CDIN1: variants seen among roughly 807,000 people sequenced by gnomAD.
The protein encoded by CDIN1 is CDAN1-interacting nuclease 1.
In CDIN1, 33 loss-of-function variants were observed where a neutral mutation model predicts 45.3. The ratio of observed to expected loss-of-function variants is 0.73; its 90% CI spans 0.55 to 0.97. The LOEUF is 0.97. Among genes scored for constraint, CDIN1 ranks in the 50% least tolerant of loss-of-function variants. The pLI is 0.00. For synonymous variants in CDIN1, 118 were observed against 124.4 expected (o/e 0.95, Z 0.34); for missense variants, 303 against 339.4 (o/e 0.89, Z 0.84).
At chr15:36,680,934 G>T (rs926898236) in intron 5 of CDIN1, among the ~76,000 whole-genome samples, 1 of 152,124 alleles carries the variant, frequency 6.6e-6, no homozygotes, top group Non-Finnish European at 1.5e-5. Context: ...CGTTGTCATG[G>T]TTAATTCTAC....
chr15:36,613,509 A>C lies in CDIN1; in HGVS notation c.102-30769A>C, dbSNP rs2038746256. The C allele has an allele frequency of 2.6e-6, 4 of 1,547,128 alleles. No homozygotes were observed. The East Asian group carries it at 9.0e-5, about 35-fold the overall frequency. On this transcript the variant is annotated intron_variant, in intron 1 of 10. Coordinates refer to ENST00000566621, the MANE Select transcript of CDIN1 (RefSeq NM_001321759.2). ...ACCACCATCAAGGCGGTGAAGCGCA[A>C]GATCCAGGTTGTGCAGCAGCAGGCA... is the stretch of plus-strand genomic sequence containing the variant.
chr15:36,613,483 C>A (rs2038744163), intron 1 of CDIN1: 3 of 1,550,374 alleles, frequency 1.9e-6, no homozygotes, highest in Non-Finnish European at 1.8e-6. Context: ...TGGCTGGGAT[C>A]ACCACCATCA....
chr15:36,617,219 A>C (rs558307319), intron 1 of CDIN1: 1 of 870,732 alleles, frequency 1.1e-6, no homozygotes, highest in South Asian at 1.3e-5. Context: ...AGCTCTTGGC[A>C]TGAAACAGCA....
At chr15:36,588,891 G>A (rs2037433731) in intron 1 of CDIN1, among the ~76,000 whole-genome samples, 1 of 152,244 alleles carries the variant, frequency 6.6e-6, no homozygotes, top group South Asian at 2.1e-4. Context: ...GAAAGCCTCA[G>A]ATAATGTTAT....
intron 10 of CDIN1, among the ~76,000 whole-genome samples, chr15:36,771,343 A>G (rs1289023068): frequency 2.0e-5 from 3 of 152,142 alleles, no homozygotes; most frequent in Non-Finnish European, 2.9e-5. Flanking sequence ...CCAGGACTTA[A>G]AGTATAATAA....
intron 10 of CDIN1, among the ~76,000 whole-genome samples, chr15:36,803,664 CA>C (rs1271828224): frequency 6.6e-6 from 1 of 152,184 alleles, no homozygotes; most frequent in Non-Finnish European, 1.5e-5. Flanking sequence ...TACTTTCAAG[CA>C]TTGTCCTAAG....
intron 1 of CDIN1, among the ~76,000 whole-genome samples, chr15:36,582,364 G>C (rs1183002689): frequency 1.3e-5 from 2 of 152,192 alleles, no homozygotes. Flanking sequence ...AATGTTAAAA[G>C]GTTGTGTATT....
chr15:36,596,811 A>C (rs750794248), intron 1 of CDIN1, among the ~76,000 whole-genome samples: 12 of 152,226 alleles, frequency 7.9e-5, no homozygotes, highest in Middle Eastern at 3.4e-3. Flanking sequence ...ACAACAACAA[A>C]AAAAACCCAG....
intron 1 of CDIN1, among the ~76,000 whole-genome samples, chr15:36,586,332 C>A (rs2037299834): frequency 1.3e-5 from 2 of 151,864 alleles, no homozygotes; most frequent in Admixed American, 6.6e-5. Flanking sequence ...ATTTTAGCAT[C>A]CATTGACTTT....
chr15:36,750,430 A>T (rs2053429422), intron 10 of CDIN1, among the ~76,000 whole-genome samples: 1 of 152,222 alleles, frequency 6.6e-6, no homozygotes, highest in African/African-American at 2.4e-5. Flanking sequence ...GCTCAGAAAG[A>T]TAAAGTGACT....
At chr15:36,768,398 A>G (rs2053981311) in intron 10 of CDIN1, among the ~76,000 whole-genome samples, 1 of 152,234 alleles carries the variant, frequency 6.6e-6, no homozygotes, top group Admixed American at 6.5e-5. Context: ...CTTGATGCAC[A>G]GACAGATCCT....
chr15:36,739,615 A>T (rs1225250838), intron 10 of CDIN1, among the ~76,000 whole-genome samples: 1 of 152,238 alleles, frequency 6.6e-6, no homozygotes, highest in African/African-American at 2.4e-5. Context: ...AAAGCCATTT[A>T]TAGGAAATGC....
intron 10 of CDIN1, among the ~76,000 whole-genome samples, chr15:36,740,030 C>G (rs2044174877): frequency 6.6e-6 from 1 of 152,158 alleles, no homozygotes; most frequent in South Asian, 2.1e-4. Flanking sequence ...GAAAGTTTCA[C>G]TGAATATGGT....
rs556505887 is a variant in CDIN1 at position 36,726,253 on chromosome 15, A to G, written c.716+16292A>G. Among the ~76,000 whole-genome samples, 14 of 152,248 alleles carry G rather than the reference A, an allele frequency of 9.2e-5. No individual in the cohort carries two copies. The South Asian group carries it at 1.5e-3, about 16-fold the overall frequency. ...CATTTCTCTTCCTATTTTCTCCACCATTTCAAATGGTGTCATGTCACTGGG... is the reference window on the plus strand; with the variant it reads ...CATTTCTCTTCCTATTTTCTCCACCGTTTCAAATGGTGTCATGTCACTGGG... On this transcript the variant is annotated intron_variant, in intron 10 of 10. Transcript: ENST00000566621.
At chr15:36,740,890 A>C (rs1038799948) in intron 10 of CDIN1, among the ~76,000 whole-genome samples, 2 of 126,696 alleles carry the variant, frequency 1.6e-5, no homozygotes, top group Non-Finnish European at 3.3e-5. Flanking sequence ...ACTCCATCTC[A>C]AAAAAAAAAA....
intron 1 of CDIN1, among the ~76,000 whole-genome samples, chr15:36,636,563 CA>C (rs1031862066): frequency 2.0e-5 from 3 of 150,488 alleles, no homozygotes; most frequent in Admixed American, 1.3e-4. Flanking sequence ...AAAACAAAAA[CA>C]AAAAAAACAA....
chr15:36,727,483 C>T (rs1434775682), intron 10 of CDIN1, among the ~76,000 whole-genome samples: 1 of 152,090 alleles, frequency 6.6e-6, no homozygotes. Flanking sequence ...GTGAAGGCAG[C>T]GAAAAATGTT....
At chr15:36,676,916 A>G (rs1226962684) in intron 5 of CDIN1, among the ~76,000 whole-genome samples, 2 of 152,250 alleles carry the variant, frequency 1.3e-5, no homozygotes, top group Non-Finnish European at 1.5e-5. Context: ...TAAAAGTACT[A>G]TATAACTGTT....
chr15:36,765,268 C>A (rs1423747586), intron 10 of CDIN1, among the ~76,000 whole-genome samples: 1 of 151,958 alleles, frequency 6.6e-6, no homozygotes, highest in African/African-American at 2.4e-5. Flanking sequence ...GTTGGTCAGG[C>A]TGGTCTTGAA....
Sources: gnomAD v4.1 joint callset for allele counts (sites outside exome capture counted in the v4.1 genomes callset) on GRCh38, gnomAD v4.1.1 for gene constraint, MANE v1.5 for transcripts, NCBI Gene and HGNC (gene_info 2026-07-23, HGNC 2026-07-21) for gene names.